SLC28A3: variants seen among roughly 807,000 people sequenced by gnomAD.
SLC28A3 encodes concentrative Na(+)-nucleoside cotransporter 3.
A neutral mutation model predicts 84.2 loss-of-function variants in SLC28A3; 68 were observed. The observed-to-expected ratio is 0.81, with a 90% CI of 0.66 to 0.99. The LOEUF is 0.99. SLC28A3 is among the 50% of genes least tolerant of loss of function. SLC28A3 has a pLI of 0.00. For synonymous variants in SLC28A3, 267 were observed against 303.6 expected, an observed-to-expected ratio of 0.88 and a Z score of 1.25; for missense variants, 712 against 841.5, an observed-to-expected ratio of 0.85 and a Z score of 1.90.
At chr9:84,361,688 C>T in the SLC28A3 span, among the ~76,000 whole-genome samples, 6 of 151,906 alleles carry the variant, frequency 3.9e-5, no homozygotes, top group Admixed American at 2.6e-4. Context: ...CTGATCTGTA[C>T]GCCCCTAGGG....
chr9:84,283,031 AGTTC>A (rs1480218536), intron 14 of SLC28A3, among the ~76,000 whole-genome samples: 9 of 69,814 alleles, frequency 1.3e-4, no homozygotes, highest in Non-Finnish European at 2.1e-4. Context: ...CTTTTCATTT[AGTTC>A]AGTTCAGCTG....
intron 1 of SLC28A3, among the ~76,000 whole-genome samples, chr9:84,314,830 G>A (rs982852489): frequency 6.6e-6 from 1 of 152,202 alleles, no homozygotes; most frequent in Non-Finnish European, 1.5e-5. Flanking sequence ...CGTAATCCCA[G>A]CACTTTGGGA....
At chr9:84,359,069 G>A in the SLC28A3 span, among the ~76,000 whole-genome samples, 1 of 152,188 alleles carries the variant, frequency 6.6e-6, no homozygotes, top group African/African-American at 2.4e-5. Flanking sequence ...CTCCTAAAGT[G>A]CTGGAATGAC....
chr9:84,280,132 A>G, intron 15 of SLC28A3, 59 bp from the exon 16 acceptor site: 1 of 1,514,486 alleles, frequency 6.6e-7, no homozygotes, highest in Non-Finnish European at 9.0e-7. Context: ...TAAAACTCTT[A>G]GCCTCTGAAA....
At chr9:84,308,980 T>C (rs1825890867) in intron 3 of SLC28A3, among the ~76,000 whole-genome samples, 2 of 152,204 alleles carry the variant, frequency 1.3e-5, no homozygotes, top group African/African-American at 2.4e-5. Flanking sequence ...TTGCTATTGA[T>C]TGACATTGAG....
At chr9:84,294,468 T>C (rs1825344381) in intron 8 of SLC28A3, among the ~76,000 whole-genome samples, 193 bp from the exon 9 acceptor site, 1 of 152,236 alleles carries the variant, frequency 6.6e-6, no homozygotes, top group African/African-American at 2.4e-5. Flanking sequence ...ACTTTGACTT[T>C]TTTCCCCTGT....
rs1461545863 is a variant in SLC28A3, at chr9:84,302,358, CA to C, written c.365del (p.Val122GlyfsTer2). 6.2e-7 allele frequency: 1 copy of C among 1,613,996 alleles called. No individual in the cohort carries two copies. Among genetic ancestry groups the C allele is most frequent in the Non-Finnish European group, 8.5e-7 (1 of 1,179,968 alleles). On this transcript the variant is annotated frameshift_variant, in exon 5 of 18. Coordinates refer to ENST00000376238, the MANE Select transcript of SLC28A3 (RefSeq NM_001199633.2). LOFTEE classifies it high-confidence loss of function. ...GAGGAAGGGCTCTGTGAAAGTTCAG[CA>C]CACAGGCCGAAATCACCATAACCAG... Reference protein sequence around the residue: ...GYLVMVISACVLNFHRALPLF... With the variant: ...GYLVMVISACXLNFHRALPLF...
At chr9:84,280,912 C>A in intron 14 of SLC28A3, 30 bp from the exon 15 acceptor site, 1 of 1,605,916 alleles carries the variant, frequency 6.2e-7, no homozygotes, top group Non-Finnish European at 8.5e-7. Context: ...CATATGTATA[C>A]ACAATCTGAG....
rs747146570 is a variant in SLC28A3, at chr9:84,286,099, A to C, written c.1293T>G (p.Asn431Lys). 1.9e-6 allele frequency: 3 copies of C among 1,613,306 alleles called. No homozygotes were observed. The highest frequency in any genetic ancestry group is 2.7e-5 in the African/African-American group (2 of 74,886). ...AMKMESGDSGNLLEAATQGAS... is the reference protein window; with the variant it reads ...AMKMESGDSGKLLEAATQGAS... Reference sequence around the variant, plus strand: ...CTCCCTGTGTTGCAGCTTCTAGAAGATTCCCTGAATCACTTTATCAAGAAA... The same window carrying C: ...CTCCCTGTGTTGCAGCTTCTAGAAGCTTCCCTGAATCACTTTATCAAGAAA... The change falls in exon 13 of 18, where the codon AAT (asparagine) becomes AAG (lysine). Residue 431 changes from asparagine to lysine, a missense_variant. By Grantham distance (94) the Asn-to-Lys change is moderately conservative. Coordinates refer to ENST00000376238, the MANE Select transcript of SLC28A3 (RefSeq NM_001199633.2).
the SLC28A3 span, among the ~76,000 whole-genome samples, chr9:84,349,740 C>T: frequency 2.1e-4 from 32 of 152,144 alleles, no homozygotes; most frequent in African/African-American, 7.5e-4. Context: ...ATGAGGTTCA[C>T]GAAGGGAGCA....
At chr9:84,354,455 C>A in the SLC28A3 span, among the ~76,000 whole-genome samples, 1 of 152,188 alleles carries the variant, frequency 6.6e-6, no homozygotes, top group Admixed American at 6.5e-5. Context: ...AAGTTTATAG[C>A]CAAAGGATAT....
intron 1 of SLC28A3, among the ~76,000 whole-genome samples, chr9:84,332,731 A>G (rs1257524428): frequency 1.3e-5 from 2 of 151,138 alleles, no homozygotes; most frequent in Non-Finnish European, 2.9e-5. Context: ...CACTTGTTCG[A>G]AAAAAAAATC....
the SLC28A3 span, among the ~76,000 whole-genome samples, chr9:84,363,932 T>C: frequency 7.3e-3 from 1,106 of 152,230 alleles, 15 homozygotes; most frequent in African/African-American, 0.025. Flanking sequence ...TTTTTAAAAT[T>C]ATCTTTTTTC....
Position 84,279,448 on chromosome 9 carries a change from T to G in SLC28A3, c.1829-63A>C, listed in dbSNP as rs1051624913. On this transcript the variant is annotated intron_variant, in intron 16 of 17. Coordinates refer to ENST00000376238, the MANE Select transcript of SLC28A3 (RefSeq NM_001199633.2). ...TTAGTTTTATTTATGTATTTATATA[T>G]TTATTTATTTAGAGACAGAGTCTTG... 3.4e-6 allele frequency: 4 copies of G among 1,180,714 alleles called. No homozygotes were observed. The African/African-American group carries it at 6.4e-5, about 19-fold the overall frequency. The allele number at this position is 1,180,714 out of a possible 1,614,324, so 73.1% of individuals were successfully genotyped here.
At chr9:84,313,481 A>G (rs773694507) in intron 1 of SLC28A3, 27 bp from the exon 2 acceptor site, 4 of 1,591,276 alleles carry the variant, frequency 2.5e-6, no homozygotes, top group Admixed American at 1.7e-5. Flanking sequence ...GATTGAAAAA[A>G]TAAAAAGTTA....
the SLC28A3 span, among the ~76,000 whole-genome samples, chr9:84,361,627 C>T: frequency 6.6e-6 from 1 of 152,028 alleles, no homozygotes; most frequent in Non-Finnish European, 1.5e-5. Context: ...TGTGAGGATG[C>T]GTACTGCCTG....
At chr9:84,329,739 G>A (rs1311734479) in intron 1 of SLC28A3, among the ~76,000 whole-genome samples, 1 of 151,902 alleles carries the variant, frequency 6.6e-6, no homozygotes, top group Non-Finnish European at 1.5e-5. Flanking sequence ...AAAAGAAGAA[G>A]AAAGAAAAAT....
intron 12 of SLC28A3, among the ~76,000 whole-genome samples, chr9:84,287,219 A>G (rs1825027232): frequency 6.6e-6 from 1 of 152,194 alleles, no homozygotes; most frequent in African/African-American, 2.4e-5. Flanking sequence ...GAGTAACTTT[A>G]CAAGTGGAAT....
At position 84,276,193 on chromosome 9, in the gene SLC28A3, GATTAAGT is replaced by G. The variant is rs558129156; in HGVS notation, c.*2018_*2024del. The G allele has an allele frequency of 1.1e-4, 17 of 152,048 alleles. No homozygotes were observed. The East Asian group carries it at 2.7e-3, about 24-fold the overall frequency. 9.4% of individuals were successfully genotyped at this position (152,048 alleles called of 1,614,324 possible). A position where few individuals can be genotyped will look rare whatever the true frequency, so the allele number is the denominator to read the frequency against. On this transcript the variant is annotated 3_prime_UTR_variant, in exon 18 of 18. Transcript: ENST00000376238. ...TTAGATTTTATGAAATCTAAACATG[GATTAAGT>G]ATTATCAGTAAAACTTTAGTGTCTC...
Sources: allele counts gnomAD v4.1 joint callset (sites outside exome capture counted in the v4.1 genomes callset), GRCh38; gene constraint gnomAD v4.1.1; transcripts MANE v1.5; gene names NCBI Gene and HGNC (gene_info 2026-07-23, HGNC 2026-07-21).